Variants in METTL25 observed in about 807,000 individuals in gnomAD.
The protein encoded by METTL25 is probable methyltransferase-like protein 25.
A neutral mutation model predicts 71.6 loss-of-function variants in METTL25; 64 were observed. The observed-to-expected ratio is 0.89, with a 90% CI of 0.73 to 1.10. The LOEUF is 1.10. Ranked by LOEUF, METTL25 falls within the 50% of genes least tolerant of loss-of-function variation. METTL25 has a pLI of 0.00. For missense variants in METTL25, 807 were observed against 707.0 expected (o/e 1.14, Z -1.60); for synonymous variants, 287 against 250.3 (o/e 1.15, Z -1.38).
At chr12:82,413,840 C>T (rs886957618) in intron 5 of METTL25, among the ~76,000 whole-genome samples, 5 of 151,512 alleles carry the variant, frequency 3.3e-5, no homozygotes, top group African/African-American at 1.2e-4. Context: ...TGCTATGATT[C>T]TGCATTTGGA....
chr12:82,387,372 G>T (rs1358829556), intron 2 of METTL25, among the ~76,000 whole-genome samples: 2 of 151,872 alleles, frequency 1.3e-5, no homozygotes, highest in Non-Finnish European at 2.9e-5. Context: ...GTCAGAAAGT[G>T]GGGATGGTAC....
intron 1 of METTL25, among the ~76,000 whole-genome samples, chr12:82,359,241 G>A (rs1453608030): frequency 6.6e-6 from 1 of 152,200 alleles, no homozygotes; most frequent in Non-Finnish European, 1.5e-5. Flanking sequence ...AGTGTAATGT[G>A]GTAGGGATTG....
At chr12:82,360,482 T>C (rs1326174366) in intron 1 of METTL25, among the ~76,000 whole-genome samples, 4 of 151,552 alleles carry the variant, frequency 2.6e-5, no homozygotes, top group Non-Finnish European at 4.4e-5. Context: ...AAAAAAAGTA[T>C]ACTAGATAAG....
At chr12:82,407,969 A>C (rs1164256552) in intron 5 of METTL25, 1 of 984,870 alleles carries the variant, frequency 1.0e-6, no homozygotes, top group Non-Finnish European at 1.2e-6. Flanking sequence ...CATCCCATGA[A>C]ATTTTTATAA....
chr12:82,381,406 G>A (rs758860151), intron 1 of METTL25, among the ~76,000 whole-genome samples: 7 of 152,142 alleles, frequency 4.6e-5, no homozygotes, highest in Non-Finnish European at 1.0e-4. Flanking sequence ...GGTACAAGAA[G>A]GACATGCATG....
intron 5 of METTL25, among the ~76,000 whole-genome samples, chr12:82,424,873 C>G (rs529230580): frequency 2.0e-5 from 3 of 151,934 alleles, no homozygotes; most frequent in Non-Finnish European, 4.4e-5. Context: ...TCACCAGAAA[C>G]TGGTAATGGA....
intron 1 of METTL25, among the ~76,000 whole-genome samples, chr12:82,359,712 C>T (rs771701203): frequency 3.3e-5 from 5 of 152,028 alleles, no homozygotes; most frequent in Non-Finnish European, 7.4e-5. Context: ...CTTTTCCTAC[C>T]CTCAAGAAAT....
chr12:82,428,067 C>T (rs1017048863), intron 5 of METTL25, among the ~76,000 whole-genome samples: 3 of 151,800 alleles, frequency 2.0e-5, no homozygotes, highest in Non-Finnish European at 4.4e-5. Context: ...TGCTTGGTAC[C>T]GTGAACACAT....
intron 9 of METTL25, 148 bp from the exon 10 acceptor site, chr12:82,476,496 T>C (rs1892887344): frequency 3.3e-6 from 2 of 600,208 alleles, no homozygotes; most frequent in Admixed American, 3.5e-5. Context: ...TTATCTTGAC[T>C]TGCTTCATGA....
intron 1 of METTL25, among the ~76,000 whole-genome samples, chr12:82,379,656 A>G (rs1318867556): frequency 1.3e-5 from 2 of 152,246 alleles, no homozygotes; most frequent in African/African-American, 4.8e-5. Flanking sequence ...CATCAAATTT[A>G]GTAAGAAGTA....
chr12:82,464,111 T>A (rs1319331217), intron 9 of METTL25, among the ~76,000 whole-genome samples: 1 of 152,002 alleles, frequency 6.6e-6, no homozygotes, highest in East Asian at 1.9e-4. Context: ...GCTTTTTTAG[T>A]TTGATATAAT....
chr12:82,405,377 G>C (rs1363031295), intron 5 of METTL25, among the ~76,000 whole-genome samples: 2 of 151,910 alleles, frequency 1.3e-5, no homozygotes, highest in African/African-American at 4.8e-5. Flanking sequence ...TTTATCTCTT[G>C]CCTGTTTTTT....
intron 5 of METTL25, among the ~76,000 whole-genome samples, chr12:82,407,412 G>T (rs1225032815): frequency 6.6e-6 from 1 of 152,144 alleles, no homozygotes; most frequent in Non-Finnish European, 1.5e-5. Flanking sequence ...TGTGAGAACT[G>T]TGACCAGCAG....
rs569034547 is a variant in METTL25 at position 82,440,664 on chromosome 12, G to C, written c.1478+1873G>C. 6.6e-5 allele frequency among the ~76,000 whole-genome samples: 10 copies of C among 152,068 alleles called. No homozygotes were observed. The South Asian group carries it at 1.5e-3, about 22-fold the overall frequency. The stretch of plus-strand genomic sequence containing the variant: ...TGGTTTCCACACAAGAACAATTTAT[G>C]TTCTAGTCAGGATGGCTTATGTGAA... On this transcript the variant is annotated intron_variant, in intron 8 of 11. Coordinates refer to ENST00000248306, the MANE Select transcript of METTL25 (RefSeq NM_032230.3).
intron 1 of METTL25, among the ~76,000 whole-genome samples, chr12:82,374,600 C>A (rs960599807): frequency 1.3e-5 from 2 of 152,188 alleles, no homozygotes; most frequent in African/African-American, 2.4e-5. Context: ...TAGAAAAGTT[C>A]TCCAAGTCCC....
In METTL25 at chr12:82,430,802, A is replaced by G. The variant is rs907744105; in HGVS notation, c.1280-91A>G. Reference sequence around the variant, plus strand: ...TTTAACTACTGTTTTTACTTTCTCAATGACTGATTTGCTTTCTTGGTAGAT... The same window carrying G: ...TTTAACTACTGTTTTTACTTTCTCAGTGACTGATTTGCTTTCTTGGTAGAT... On this transcript the variant is annotated intron_variant, in intron 5 of 11. Transcript: ENST00000248306. 9.4e-5 allele frequency: 63 copies of G among 673,124 alleles called. 1 individual carries two copies. Among genetic ancestry groups the G allele is most frequent in the Non-Finnish European group, 1.4e-4 (54 of 391,224 alleles). The allele number at this position is 673,124 out of a possible 1,614,324, so 41.7% of individuals were successfully genotyped here.
At chr12:82,473,697 G>T (rs1892702659) in intron 9 of METTL25, among the ~76,000 whole-genome samples, 1 of 152,170 alleles carries the variant, frequency 6.6e-6, no homozygotes, top group Non-Finnish European at 1.5e-5. Flanking sequence ...CATGTCAGTT[G>T]TTTGGAGGCT....
intron 8 of METTL25, among the ~76,000 whole-genome samples, chr12:82,447,617 G>C (rs1230522181): frequency 6.6e-6 from 1 of 152,134 alleles, no homozygotes; most frequent in Non-Finnish European, 1.5e-5. Flanking sequence ...CAATGTCATA[G>C]TTTCCTGTGG....
intron 2 of METTL25, chr12:82,388,748 G>C (rs1885295763): frequency 6.6e-6 from 1 of 152,156 alleles, no homozygotes; most frequent in African/African-American, 2.4e-5. Context: ...TGATAAGTGA[G>C]AGTGGAGGGG....
Sources: allele counts gnomAD v4.1 joint callset (sites outside exome capture counted in the v4.1 genomes callset), GRCh38; gene constraint gnomAD v4.1.1; transcripts MANE v1.5; gene names NCBI Gene and HGNC (gene_info 2026-07-23, HGNC 2026-07-21).